TPD52L2: variants seen among roughly 807,000 people sequenced by gnomAD.
The protein encoded by TPD52L2 is tumor protein D54.
A neutral mutation model predicts 24.7 loss-of-function variants in TPD52L2; 19 were observed. The ratio of observed to expected loss-of-function variants is 0.77; its 90% CI spans 0.54 to 1.13. The LOEUF is 1.13. Ranked by LOEUF, TPD52L2 falls within the 50% of genes most tolerant of loss-of-function variation. TPD52L2 has a pLI of 0.00. For synonymous variants in TPD52L2, 104 were observed against 100.2 expected (o/e 1.04, Z -0.23); for missense variants, 236 against 250.4 (o/e 0.94, Z 0.39).
intron 5 of TPD52L2, among the ~76,000 whole-genome samples, chr20:63,885,673 C>T (rs1283717950): frequency 1.3e-5 from 2 of 152,180 alleles, no homozygotes; most frequent in South Asian, 2.1e-4. Flanking sequence ...TGGTTGTGCT[C>T]CAGGTGCTGT....
intron 2 of TPD52L2, among the ~76,000 whole-genome samples, chr20:63,873,347 G>C (rs957494976): frequency 6.6e-5 from 10 of 152,048 alleles, no homozygotes; most frequent in Admixed American, 2.0e-4. Context: ...AAATTAGCCG[G>C]GCAGGGTGGC....
chr20:63,876,502 A>G (rs546227529), intron 4 of TPD52L2: 8 of 344,580 alleles, frequency 2.3e-5, no homozygotes, highest in Non-Finnish European at 4.0e-5. Flanking sequence ...TCCTTAAACT[A>G]GATAATAGCA....
At chr20:63,870,520 GTTTTTTTTTTTTTT>G (rs959786861) in intron 2 of TPD52L2, among the ~76,000 whole-genome samples, 1 of 94,524 alleles carries the variant, frequency 1.1e-5, no homozygotes, top group Non-Finnish European at 1.9e-5. Flanking sequence ...ATAAGGTGAA[GTTTTTTTTTTTTTT>G]TTTTTTTTTT....
At chr20:63,887,703 G>C in intron 5 of TPD52L2, 1 of 1,265,960 alleles carries the variant, frequency 7.9e-7, no homozygotes, top group Non-Finnish European at 1.1e-6. Flanking sequence ...CCATATTCCT[G>C]GATTAATTGA....
chr20:63,874,230 G>T (rs60990229), intron 3 of TPD52L2, among the ~76,000 whole-genome samples: 8,820 of 107,008 alleles, frequency 0.082, 323 homozygotes, highest in Non-Finnish European at 0.092. Context: ...TTTTTTTTTT[G>T]TGTGTGTGTG....
rs1485953506 is a variant in TPD52L2, at chr20:63,882,790, C to G, written c.446C>G (p.Ser149Cys). Residue 149 changes from serine to cysteine, a missense_variant, in exon 5 of 7, where the codon TCT becomes TGT. Transcript: ENST00000346249. ...TCAGCTGCCCTGTCCACAGTGGGCT[C>G]TGCCATCAGCAGGAAGCTTGGAGAC... Reference protein sequence around the residue: ...KTSAALSTVGSAISRKLGDMR... With the variant: ...KTSAALSTVGCAISRKLGDMR... The G allele has an allele frequency of 2.5e-6, 4 of 1,613,456 alleles. No homozygotes were observed. The highest frequency in any genetic ancestry group is 3.3e-5 in the Admixed American group (2 of 59,954).
chr20:63,886,136 A>AG, intron 5 of TPD52L2: 1 of 1,291,844 alleles, frequency 7.7e-7, no homozygotes, highest in Non-Finnish European at 1.1e-6. Flanking sequence ...GTGCTAGTAG[A>AG]GGGCAGTGAA....
At chr20:63,888,581 A>G (rs1350497134) in intron 5 of TPD52L2, 1 of 131,374 alleles carries the variant, frequency 7.6e-6, no homozygotes, top group Non-Finnish European at 1.6e-5. Flanking sequence ...GGGACAGCAG[A>G]GAGGGGCCGA....
At chr20:63,885,367 G>C (rs926329426) in intron 5 of TPD52L2, among the ~76,000 whole-genome samples, 14 of 152,232 alleles carry the variant, frequency 9.2e-5, no homozygotes, top group African/African-American at 3.4e-4. Flanking sequence ...GACCTCGGGC[G>C]AGTTGAGTGT....
At chr20:63,872,135 C>G (rs2052492093) in intron 2 of TPD52L2, among the ~76,000 whole-genome samples, 1 of 149,392 alleles carries the variant, frequency 6.7e-6, no homozygotes, top group Non-Finnish European at 1.5e-5. Flanking sequence ...ACGTTAAGCA[C>G]AAAAGATAAT....
At chr20:63,870,722 G>GTTT (rs550015438) in intron 2 of TPD52L2, among the ~76,000 whole-genome samples, 1 of 109,320 alleles carries the variant, frequency 9.1e-6, no homozygotes, top group African/African-American at 3.5e-5. Context: ...GATGGGGTTT[G>GTTT]TTTTTTTTTT....
At chr20:63,875,408 C>G (rs552770636) in intron 3 of TPD52L2, among the ~76,000 whole-genome samples, 1 of 152,170 alleles carries the variant, frequency 6.6e-6, no homozygotes. Flanking sequence ...TGTTCCTATA[C>G]AAAGACAGAA....
intron 6 of TPD52L2, 25 bp from the exon 7 acceptor site, chr20:63,889,825 T>C: frequency 6.2e-7 from 1 of 1,608,280 alleles, no homozygotes; most frequent in Non-Finnish European, 8.5e-7. Context: ...CAGGTTTTTC[T>C]GTCTTCATCT....
intron 3 of TPD52L2, among the ~76,000 whole-genome samples, chr20:63,875,130 A>G (rs1171174778): frequency 6.7e-6 from 1 of 149,246 alleles, no homozygotes; most frequent in Non-Finnish European, 1.5e-5. Flanking sequence ...TGACAGAGCA[A>G]GACTCTGTCT....
At chr20:63,874,363 C>T (rs2052587213) in intron 3 of TPD52L2, among the ~76,000 whole-genome samples, 1 of 133,356 alleles carries the variant, frequency 7.5e-6, no homozygotes, top group Non-Finnish European at 1.6e-5. Context: ...CCACGCTGGC[C>T]TTTTTTTTTT....
At chr20:63,886,002 C>T in intron 5 of TPD52L2, 3 of 1,614,132 alleles carry the variant, frequency 1.9e-6, no homozygotes, top group Non-Finnish European at 2.5e-6. Context: ...TTCTCTCCTG[C>T]TGCCACCTTC....
chr20:63,887,341 C>CA (rs1333415447), intron 5 of TPD52L2: 1 of 662,256 alleles, frequency 1.5e-6, no homozygotes, highest in Non-Finnish European at 2.7e-6. Context: ...TCCCCCCTCC[C>CA]AGTGCTATGC....
At chr20:63,878,051 C>T (rs1013211420) in intron 4 of TPD52L2, among the ~76,000 whole-genome samples, 2 of 152,256 alleles carry the variant, frequency 1.3e-5, no homozygotes, top group African/African-American at 4.8e-5. Context: ...GTGGCCATGG[C>T]GCGTGCTCTT....
intron 4 of TPD52L2, among the ~76,000 whole-genome samples, chr20:63,878,139 A>G (rs1174634662): frequency 6.6e-6 from 1 of 152,222 alleles, no homozygotes; most frequent in Non-Finnish European, 1.5e-5. Context: ...TCTGCAGGGG[A>G]AGGCAGTAAA....
Sources: gnomAD v4.1 joint callset for allele counts (sites outside exome capture counted in the v4.1 genomes callset) on GRCh38, gnomAD v4.1.1 for gene constraint, MANE v1.5 for transcripts, NCBI Gene and HGNC (gene_info 2026-07-23, HGNC 2026-07-21) for gene names.